GK: variants seen among roughly 807,000 people sequenced by gnomAD.
GK encodes the protein glycerol kinase, also known as ATP:glycerol 3-phosphotransferase.
GK carries 9 observed loss-of-function variants against 56.4 expected under a neutral mutation model. The ratio of observed to expected loss-of-function variants is 0.16; its 90% CI spans 0.10 to 0.28. GK has a LOEUF of 0.28. GK is among the 10% of genes least tolerant of loss of function. The probability of loss-of-function intolerance (pLI) is 1.00; values close to 1 mark genes in which losing one functional copy is unlikely to be tolerated. For missense variants in GK, 161 were observed against 431.4 expected, an observed-to-expected ratio of 0.37 and a Z score of 5.55; for synonymous variants, 104 against 144.1, an observed-to-expected ratio of 0.72 and a Z score of 1.99.
intron 19 of GK, 44 bp downstream of exon 19, chrX:30,724,225 T>A (rs990354727): frequency 5.0e-6 from 4 of 803,196 alleles, no homozygotes; most frequent in Non-Finnish European, 7.5e-6. Flanking sequence ...TCTTAGTATA[T>A]TAAATAGTTA....
At chrX:30,713,140 T>C (rs192826574) in intron 13 of GK, among the ~76,000 whole-genome samples, 1 of 111,759 alleles carries the variant, frequency 8.9e-6, no homozygotes, top group East Asian at 2.8e-4. Flanking sequence ...ACACAGTTGC[T>C]TGTTTTTCTA....
chrX:30,669,429 G>A (rs996336615), intron 3 of GK, among the ~76,000 whole-genome samples: 5 of 110,608 alleles, frequency 4.5e-5, no homozygotes, highest in Non-Finnish European at 7.6e-5. Flanking sequence ...TGACCCGCCC[G>A]CCTCGGCCTC....
At position 30,723,766 on chromosome X, in the gene GK, G is replaced by A. The variant is rs1601955626; in HGVS notation, c.1502-335G>A. ...GCCTCCCAGGTAGCTGGTACTACAG[G>A]CAGGGTTTTACCACATTGCTCAAGC... On this transcript the variant is annotated intron_variant, in intron 18 of 20. Transcript: ENST00000427190. 3.7e-5 allele frequency: 9 copies of A among 241,558 alleles called. No individual in the cohort carries two copies. In the East Asian group the frequency reaches 6.6e-4, roughly 18 times the overall value. 19.9% of individuals were successfully genotyped at this position (241,558 alleles called of 1,213,427 possible).
At chrX:30,696,963 T>C (rs759551437) in intron 8 of GK, among the ~76,000 whole-genome samples, 10 of 113,033 alleles carry the variant, frequency 8.8e-5, no homozygotes, top group African/African-American at 3.2e-4. Flanking sequence ...ATTCTTTGAA[T>C]CCAAATAACT....
intron 1 of GK, among the ~76,000 whole-genome samples, chrX:30,664,995 G>A (rs929728620): frequency 9.0e-6 from 1 of 111,157 alleles, no homozygotes; most frequent in African/African-American, 3.3e-5. Context: ...GTAAGCCACC[G>A]TGTCTGGTCT....
intron 1 of GK, among the ~76,000 whole-genome samples, chrX:30,657,639 G>T (rs917156622): frequency 8.9e-6 from 1 of 111,837 alleles, no homozygotes. Context: ...GATGTAGATC[G>T]TATTAGTAAG....
rs190706894 is a variant in GK at position 30,727,875 on chromosome X, T to C, written c.1669+323T>C. Among the ~76,000 whole-genome samples, 5 of 111,965 alleles carry C rather than the reference T, an allele frequency of 4.5e-5. No individual in the cohort carries two copies. In the Admixed American group the frequency reaches 4.8e-4, roughly 11 times the overall value. On this transcript the variant is annotated intron_variant, in intron 20 of 20. Coordinates refer to ENST00000427190, the MANE Select transcript of GK (RefSeq NM_001205019.2). ...TCAGACTGACTGCTGAAAGTTAAAG[T>C]ATACTTTTGACATTAATTAAATTGT...
At position 30,667,965 on chromosome X, in the gene GK, T is replaced by C. The variant is rs761663198; in HGVS notation, c.153-47T>C. 17 of 702,541 alleles carry C rather than the reference T, an allele frequency of 2.4e-5. No homozygotes were observed. The Admixed American group carries it at 2.4e-4, about 10-fold the overall frequency. The allele number at this position is 702,541 out of a possible 1,213,427, so 57.9% of individuals were successfully genotyped here. A position where few individuals can be genotyped will look rare whatever the true frequency, so the allele number is the denominator to read the frequency against. Reference sequence around the variant, plus strand: ...TTAACATTTCTATAGAAAAAAGTTATATTTGTGTTGCTTTCTTACTAACCA... The same window carrying C: ...TTAACATTTCTATAGAAAAAAGTTACATTTGTGTTGCTTTCTTACTAACCA... On this transcript the variant is annotated intron_variant, in intron 2 of 20. Coordinates refer to ENST00000427190, the MANE Select transcript of GK (RefSeq NM_001205019.2).
chrX:30,703,734 G>A (rs1935817780), intron 11 of GK, among the ~76,000 whole-genome samples: 1 of 111,117 alleles, frequency 9.0e-6, no homozygotes, highest in African/African-American at 3.3e-5. Context: ...GCCAAGGCAG[G>A]TGGATCACTT....
At chrX:30,704,716 C>A (rs888214992) in intron 11 of GK, among the ~76,000 whole-genome samples, 1 of 110,051 alleles carries the variant, frequency 9.1e-6, no homozygotes, top group Non-Finnish European at 1.9e-5. Flanking sequence ...GGACTACAGG[C>A]GCCCGCCACC....
chrX:30,700,702 C>A (rs1299773442), intron 10 of GK, 136 bp from the exon 11 acceptor site: 1 of 537,652 alleles, frequency 1.9e-6, no homozygotes, highest in African/African-American at 2.4e-5. Flanking sequence ...GGGAAAATGG[C>A]CAAATGGAGA....
At chrX:30,672,337 C>T (rs1400658051) in intron 3 of GK, among the ~76,000 whole-genome samples, 1 of 110,589 alleles carries the variant, frequency 9.0e-6, no homozygotes, top group Admixed American at 9.7e-5. Flanking sequence ...CATTCCTCCA[C>T]TGCCTTGCCC....
At chrX:30,723,902 A>C (rs778928802) in intron 18 of GK, 199 bp from the exon 19 acceptor site, 7 of 448,957 alleles carry the variant, frequency 1.6e-5, no homozygotes, top group Non-Finnish European at 2.8e-5. Flanking sequence ...TTTCACTCCA[A>C]CTTCCAAGCA....
At chrX:30,660,765 CTG>C (rs888265272) in intron 1 of GK, among the ~76,000 whole-genome samples, 7 of 106,991 alleles carry the variant, frequency 6.5e-5, no homozygotes, top group African/African-American at 2.4e-4. Flanking sequence ...AACTACCTTT[CTG>C]GCCCACACAA....
chrX:30,686,269 A>AC (rs1406902401), intron 4 of GK, among the ~76,000 whole-genome samples: 1 of 112,672 alleles, frequency 8.9e-6, no homozygotes, highest in Non-Finnish European at 1.9e-5. Context: ...ATGACCACTT[A>AC]CCCAGCTTAA....
chrX:30,671,509 T>G (rs924172166), intron 3 of GK: 1 of 111,760 alleles, frequency 8.9e-6, no homozygotes. Context: ...TCTGTTTTTA[T>G]TTCTTGTGTG....
intron 11 of GK, among the ~76,000 whole-genome samples, chrX:30,704,310 T>G (rs1005401295): frequency 7.5e-5 from 8 of 106,106 alleles, no homozygotes; most frequent in Non-Finnish European, 1.3e-4. Flanking sequence ...TTTTAAATTT[T>G]TTGTAGAGAT....
rs140715250 is a variant in GK, at chrX:30,714,141, G to A, written c.976-4397G>A. Among the ~76,000 whole-genome samples the A allele has an allele frequency of 4.7e-4, 53 of 111,851 alleles. No homozygotes were observed. In the East Asian group the frequency reaches 0.015, roughly 31 times the overall value. ...TTTGTTATGGTTTAACGATTATAGCGTTAAGATTTCCTTTTTAGAGTTTTT... is the reference window on the plus strand; with the variant it reads ...TTTGTTATGGTTTAACGATTATAGCATTAAGATTTCCTTTTTAGAGTTTTT... On this transcript the variant is annotated intron_variant, in intron 13 of 20. Coordinates refer to ENST00000427190, the MANE Select transcript of GK (RefSeq NM_001205019.2).
chrX:30,730,885 A>G lies in GK; in HGVS notation c.*2143A>G, dbSNP rs1937318508. On this transcript the variant is annotated 3_prime_UTR_variant, in exon 21 of 21. Coordinates refer to ENST00000427190, the MANE Select transcript of GK (RefSeq NM_001205019.2). ...AGAGTTAACCAACAGCCAAAGAAGT[A>G]ATTTCTGTAATGATGAACACTTTAA... The G allele has an allele frequency of 2.7e-5, 3 of 111,949 alleles. No homozygotes were observed. Among genetic ancestry groups the G allele is most frequent in the Non-Finnish European group, 5.6e-5 (3 of 53,224 alleles). 9.2% of individuals were successfully genotyped at this position (111,949 alleles called of 1,213,427 possible).
Sources: allele counts gnomAD v4.1 joint callset (sites outside exome capture counted in the v4.1 genomes callset), GRCh38; gene constraint gnomAD v4.1.1; transcripts MANE v1.5; gene names NCBI Gene and HGNC (gene_info 2026-07-23, HGNC 2026-07-21).